The following NRXN1 variants were observed in gnomAD, a reference collection of about 807,000 sequenced individuals.
NRXN1 encodes neurexin-1.
In NRXN1, 39 loss-of-function variants were observed where a neutral mutation model predicts 150.9. That is an observed-to-expected ratio of 0.26 (90% CI 0.20 to 0.34). The LOEUF (loss-of-function observed/expected upper bound fraction) is 0.34, where lower values mean the gene tolerates loss of function less well. NRXN1 is among the 10% of genes least tolerant of loss of function. NRXN1 has a pLI of 1.00. For synonymous variants in NRXN1, 924 were observed against 757.0 expected (o/e 1.22, Z -3.62); for missense variants, 1,815 against 1,949.9 (o/e 0.93, Z 1.30).
intron 8 of NRXN1, among the ~76,000 whole-genome samples, chr2:50,604,561 T>C (rs1391099600): frequency 1.3e-5 from 2 of 152,306 alleles, no homozygotes; most frequent in African/African-American, 2.4e-5. Context: ...TTTATTATTT[T>C]ACACCTGCAC....
At chr2:50,332,186 C>A (rs1359519716) in intron 17 of NRXN1, among the ~76,000 whole-genome samples, 1 of 152,134 alleles carries the variant, frequency 6.6e-6, no homozygotes, top group Non-Finnish European at 1.5e-5. Context: ...TTTATTATAG[C>A]TTGAAAATCA....
intron 17 of NRXN1, among the ~76,000 whole-genome samples, chr2:50,359,105 A>G (rs1394096263): frequency 1.3e-5 from 2 of 152,222 alleles, no homozygotes; most frequent in East Asian, 3.9e-4. Flanking sequence ...TCTGAAGTTT[A>G]CCAACAGCAA....
chr2:50,693,613 A>G (rs746220338), intron 5 of NRXN1, among the ~76,000 whole-genome samples: 33 of 152,204 alleles, frequency 2.2e-4, no homozygotes, highest in Non-Finnish European at 1.5e-4. Flanking sequence ...ATATTTCTGC[A>G]TTAAAATGCA....
At chr2:50,260,780 G>C (rs2068188057) in intron 17 of NRXN1, among the ~76,000 whole-genome samples, 1 of 151,546 alleles carries the variant, frequency 6.6e-6, no homozygotes, top group Non-Finnish European at 1.5e-5. Flanking sequence ...AACCATAGCA[G>C]CTTAAGCCAT....
chr2:50,457,051 T>C (rs1028040875), intron 17 of NRXN1, among the ~76,000 whole-genome samples: 2 of 152,136 alleles, frequency 1.3e-5, no homozygotes, highest in East Asian at 3.9e-4. Flanking sequence ...TATTAGATTA[T>C]TATTTTTGAG....
chr2:50,153,222 T>A (rs2058799525), intron 18 of NRXN1, among the ~76,000 whole-genome samples: 1 of 151,738 alleles, frequency 6.6e-6, no homozygotes, highest in Non-Finnish European at 1.5e-5. Context: ...CTATTTCCAT[T>A]TTGTTCATTC....
In NRXN1 at chr2:50,347,514, G is replaced by C. The variant is rs1174399830; in HGVS notation, c.3365-110544C>G. 5.7e-6 allele frequency: 6 copies of C among 1,048,884 alleles called. No individual in the cohort carries two copies. The highest frequency in any genetic ancestry group is 1.1e-4 in the Admixed American group (2 of 18,426). 65.0% of individuals were successfully genotyped at this position (1,048,884 alleles called of 1,614,324 possible). ...CCCTTCCCTCCATTCAGCCCCGGCC[G>C]GCTCGCCCGCTAGCGCCAGCCTCCC... On this transcript the variant is annotated intron_variant, in intron 17 of 22. Coordinates refer to ENST00000401669, the MANE Select transcript of NRXN1 (RefSeq NM_001330078.2). This position sits in a 1 kb window ranked among gnomAD's most constrained non-coding sequence, Gnocchi z 4.9.
intron 5 of NRXN1, among the ~76,000 whole-genome samples, chr2:50,707,702 T>G (rs1020233513): frequency 2.6e-5 from 4 of 152,136 alleles, no homozygotes; most frequent in Non-Finnish European, 5.9e-5. Context: ...TAGAACAATG[T>G]GATCGATCCA....
intron 5 of NRXN1, among the ~76,000 whole-genome samples, chr2:50,811,696 T>C (rs1668235072): frequency 6.6e-6 from 1 of 152,168 alleles, no homozygotes; most frequent in Non-Finnish European, 1.5e-5. Context: ...CTTCATAAAT[T>C]TAAAGCAACT....
chr2:50,509,378 G>A (rs760923814), intron 12 of NRXN1, among the ~76,000 whole-genome samples: 1 of 152,142 alleles, frequency 6.6e-6, no homozygotes, highest in Non-Finnish European at 1.5e-5. Context: ...CCTGGTGGAA[G>A]CAAATCTCTA....
At chr2:50,424,875 T>G (rs75012321) in intron 17 of NRXN1, among the ~76,000 whole-genome samples, 3 of 152,168 alleles carry the variant, frequency 2.0e-5, no homozygotes, top group Non-Finnish European at 2.9e-5. Flanking sequence ...TTATTTCGTA[T>G]TGCATAATAT....
Position 50,844,913 on chromosome 2 carries a change from G to C in NRXN1, c.832+76956C>G, listed in dbSNP as rs180914866. The stretch of plus-strand genomic sequence containing the variant: ...CTGTTGTTCAGGCTGGAGTGCAGTG[G>C]CGTGATCACAGTTCATTGCAGTCTC... On this transcript the variant is annotated intron_variant, in intron 5 of 22. Coordinates refer to ENST00000401669, the MANE Select transcript of NRXN1 (RefSeq NM_001330078.2). Among the ~76,000 whole-genome samples, 317 of 152,040 alleles carry C rather than the reference G, an allele frequency of 2.1e-3. 1 individual carries two copies. The highest frequency in any genetic ancestry group is 7.0e-3 in the Admixed American group (107 of 15,274).
chr2:50,412,358 A>G (rs1250205789), intron 17 of NRXN1, among the ~76,000 whole-genome samples: 1 of 151,590 alleles, frequency 6.6e-6, no homozygotes, highest in African/African-American at 2.4e-5. Context: ...AATAATAAAA[A>G]TAATCTTAAA....
chr2:50,506,529 T>C lies in NRXN1; in HGVS notation c.2463A>G (p.Leu821=), dbSNP rs1280100977. 1 of 1,612,918 alleles carries C rather than the reference T, an allele frequency of 6.2e-7. No homozygotes were observed. ...CCTGTTGGTCATCCACTGTTAACTTTAAACTTTTTCCACGCCGAACTACAC... is the reference window on the plus strand; with the variant it reads ...CCTGTTGGTCATCCACTGTTAACTTCAAACTTTTTCCACGCCGAACTACAC... ...TVRVVRRGKS[L]KLTVDDQQAM... Residue 821 remains leucine (L), a synonymous_variant, in exon 13 of 23, where the codon TTA becomes TTG. Transcript: ENST00000401669.
At chr2:50,123,231 G>C (rs1478579601) in intron 18 of NRXN1, among the ~76,000 whole-genome samples, 3 of 152,124 alleles carry the variant, frequency 2.0e-5, no homozygotes, top group African/African-American at 7.2e-5. Context: ...TAATGTGAGA[G>C]AGAGGTAAAA....
chr2:50,282,048 T>C (rs576610493), intron 17 of NRXN1, among the ~76,000 whole-genome samples: 6 of 152,336 alleles, frequency 3.9e-5, no homozygotes, highest in Non-Finnish European at 7.3e-5. Context: ...GAGGCATTGA[T>C]ACATTTAATC....
intron 5 of NRXN1, among the ~76,000 whole-genome samples, chr2:50,698,889 G>A (rs1250714079): frequency 6.6e-6 from 1 of 152,212 alleles, no homozygotes; most frequent in Non-Finnish European, 1.5e-5. Flanking sequence ...ACACTTTAAA[G>A]CTGTCCAAAG....
At chr2:50,899,025 A>C (rs1682484914) in intron 5 of NRXN1, among the ~76,000 whole-genome samples, 1 of 152,172 alleles carries the variant, frequency 6.6e-6, no homozygotes, top group Non-Finnish European at 1.5e-5. Flanking sequence ...ATGCAGACAC[A>C]GCTTGAAAAA....
intron 17 of NRXN1, among the ~76,000 whole-genome samples, chr2:50,289,077 G>A (rs550826048): frequency 1.3e-5 from 2 of 152,080 alleles, no homozygotes; most frequent in Admixed American, 1.3e-4. Context: ...GATAGGGAAC[G>A]TATAAGGAGA....
Sources: gnomAD v4.1 joint callset for allele counts (sites outside exome capture counted in the v4.1 genomes callset) on GRCh38, gnomAD v4.1.1 for gene constraint, Gnocchi (gnomAD v3.1) non-coding constraint, MANE v1.5 for transcripts, NCBI Gene and HGNC (gene_info 2026-07-23, HGNC 2026-07-21) for gene names.